Variants in GRIP1 observed in about 807,000 individuals in gnomAD.
GRIP1 encodes the protein glutamate receptor-interacting protein 1.
In GRIP1, 45 loss-of-function variants were observed where a neutral mutation model predicts 129.9. That is an observed-to-expected ratio of 0.35 (90% CI 0.27 to 0.44). The LOEUF is 0.44. GRIP1 is among the 20% of genes least tolerant of loss of function. GRIP1 has a pLI of 1.00. For missense variants in GRIP1, 1,196 were observed against 1,396.8 expected, an observed-to-expected ratio of 0.86 and a Z score of 2.29; for synonymous variants, 530 against 520.8, an observed-to-expected ratio of 1.02 and a Z score of -0.24.
intron 5 of GRIP1, among the ~76,000 whole-genome samples, chr12:66,521,597 C>A (rs188225847): frequency 6.6e-6 from 1 of 152,188 alleles, no homozygotes; most frequent in Non-Finnish European, 1.5e-5. Context: ...CGGGTGATTT[C>A]TGCATTTCCA....
At chr12:66,701,177 C>T (rs1026939523) in intron 1 of GRIP1, among the ~76,000 whole-genome samples, 1 of 152,160 alleles carries the variant, frequency 6.6e-6, no homozygotes, top group Non-Finnish European at 1.5e-5. Context: ...TACTCCTCTA[C>T]TACTTTCCCC....
At chr12:66,856,470 T>C (rs2040006894) in intron 1 of GRIP1, among the ~76,000 whole-genome samples, 1 of 151,944 alleles carries the variant, frequency 6.6e-6, no homozygotes, top group East Asian at 1.9e-4. Context: ...TGCAATCTAC[T>C]CATCTGACAA....
At chr12:66,904,391 G>T (rs981056129) in intron 1 of GRIP1, among the ~76,000 whole-genome samples, 2 of 152,200 alleles carry the variant, frequency 1.3e-5, no homozygotes, top group Non-Finnish European at 2.9e-5. Flanking sequence ...AAGAAGCAAG[G>T]ATCACAGATG....
At chr12:66,957,557 T>C (rs1408386627) in intron 1 of GRIP1, among the ~76,000 whole-genome samples, 1 of 152,144 alleles carries the variant, frequency 6.6e-6, no homozygotes, top group Non-Finnish European at 1.5e-5. Flanking sequence ...GATGACTTGA[T>C]GAGCTTGAAG....
At chr12:66,531,300 T>C (rs868027362) in intron 4 of GRIP1, among the ~76,000 whole-genome samples, 886 of 69,540 alleles carry the variant, frequency 0.013, 94 homozygotes, top group Non-Finnish European at 0.015. Flanking sequence ...TATATATATA[T>C]ATACACACAC....
chr12:66,455,823 A>G (rs2138237511), intron 10 of GRIP1, among the ~76,000 whole-genome samples: 1 of 152,360 alleles, frequency 6.6e-6, no homozygotes, highest in Middle Eastern at 3.4e-3. Context: ...AACAAACAAA[A>G]GAACAACTTT....
chr12:66,374,709 C>T (rs1290858488), intron 22 of GRIP1, among the ~76,000 whole-genome samples: 1 of 152,070 alleles, frequency 6.6e-6, no homozygotes, highest in Non-Finnish European at 1.5e-5. Context: ...GTCTTAGCTG[C>T]CATAGAAGAA....
chr12:66,890,760 A>G (rs1010748866), intron 1 of GRIP1, among the ~76,000 whole-genome samples: 24 of 152,244 alleles, frequency 1.6e-4, no homozygotes, highest in African/African-American at 5.8e-4. Context: ...GATCTGAAAA[A>G]GAAATTATCT....
intron 1 of GRIP1, among the ~76,000 whole-genome samples, chr12:67,032,328 A>G (rs906767003): frequency 2.0e-5 from 3 of 152,168 alleles, no homozygotes; most frequent in Admixed American, 2.0e-4. Context: ...GTCACTCAAC[A>G]AATATTTGTT....
At chr12:66,520,984 A>C (rs2060983922) in intron 5 of GRIP1, among the ~76,000 whole-genome samples, 1 of 152,206 alleles carries the variant, frequency 6.6e-6, no homozygotes, top group South Asian at 2.1e-4. Context: ...CACTATATTC[A>C]TCTAGTTATT....
At chr12:66,972,208 A>C (rs2137579228) in intron 1 of GRIP1, among the ~76,000 whole-genome samples, 1 of 152,320 alleles carries the variant, frequency 6.6e-6, no homozygotes, top group Non-Finnish European at 1.5e-5. Flanking sequence ...AAACACCCTA[A>C]GGTTCTGGGT....
intron 1 of GRIP1, among the ~76,000 whole-genome samples, chr12:66,861,604 A>G (rs899793936): frequency 6.6e-6 from 1 of 152,096 alleles, no homozygotes; most frequent in African/African-American, 2.4e-5. Context: ...GAGAACAAAG[A>G]ACTGTTTCTT....
intron 1 of GRIP1, among the ~76,000 whole-genome samples, chr12:66,876,465 G>A (rs2040385245): frequency 6.6e-6 from 1 of 152,028 alleles, no homozygotes; most frequent in African/African-American, 2.4e-5. Context: ...CCTAGTAAAT[G>A]ACAGGTTAAA....
rs376635520 is a variant in GRIP1 at position 66,976,333 on chromosome 12, C to T, written c.58+92717G>A. Among the ~76,000 whole-genome samples the T allele has an allele frequency of 3.3e-5, 5 of 152,116 alleles. No homozygotes were observed. The East Asian group carries it at 7.7e-4, about 23-fold the overall frequency. On this transcript the variant is annotated intron_variant, in intron 1 of 1. Transcript: ENST00000643019. The stretch of plus-strand genomic sequence containing the variant: ...ATGTATGTATTGGTGATTTATATAT[C>T]GCTCCTCACAGACTGTCCAATCCAG...
chr12:66,607,791 A>T (rs1474449338), intron 1 of GRIP1, among the ~76,000 whole-genome samples: 4 of 152,130 alleles, frequency 2.6e-5, no homozygotes, highest in Non-Finnish European at 5.9e-5. Context: ...TAGACTTAAG[A>T]ATTTTCTGAG....
At chr12:66,484,018 C>T (rs899002923) in intron 7 of GRIP1, among the ~76,000 whole-genome samples, 9 of 151,950 alleles carry the variant, frequency 5.9e-5, no homozygotes, top group Admixed American at 2.6e-4. Flanking sequence ...CGCCACTACG[C>T]CCGGCTAATT....
At chr12:66,732,344 GA>G (rs1592787541) in intron 1 of GRIP1, among the ~76,000 whole-genome samples, 1 of 152,218 alleles carries the variant, frequency 6.6e-6, no homozygotes, top group African/African-American at 2.4e-5. Context: ...TTAAGGACAG[GA>G]GTTCAAGACC....
chr12:66,775,976 A>G (rs769301393), intron 1 of GRIP1, among the ~76,000 whole-genome samples: 6 of 152,232 alleles, frequency 3.9e-5, no homozygotes, highest in African/African-American at 9.6e-5. Flanking sequence ...ATTTGTTACT[A>G]TCTCCAGGGA....
upstream of GRIP1, among the ~76,000 whole-genome samples, chr12:66,682,706 A>C (rs1393439704): frequency 6.6e-6 from 1 of 152,196 alleles, no homozygotes; most frequent in African/African-American, 2.4e-5. Flanking sequence ...CTTAACAAGA[A>C]AGAATCATCA....
Sources: allele counts gnomAD v4.1 joint callset (sites outside exome capture counted in the v4.1 genomes callset), GRCh38; gene constraint gnomAD v4.1.1; transcripts MANE v1.5; gene names NCBI Gene and HGNC (gene_info 2026-07-23, HGNC 2026-07-21).